The following PCDH7 variants were observed in gnomAD, a reference collection of about 807,000 sequenced individuals.
PCDH7 encodes the protein protocadherin 7, also known as protocadherin-7.
A neutral mutation model predicts 58.9 loss-of-function variants in PCDH7; 17 were observed. That is an observed-to-expected ratio of 0.29 (90% CI 0.20 to 0.43). PCDH7 has a LOEUF of 0.43. PCDH7 is among the 20% of genes least tolerant of loss of function. The pLI is 1.00. For missense variants in PCDH7, 1,274 were observed against 1,441.0 expected (o/e 0.88, Z 1.88); for synonymous variants, 664 against 616.4 (o/e 1.08, Z -1.14).
At chr4:31,040,120 G>T (rs535175165) in intron 3 of PCDH7, among the ~76,000 whole-genome samples, 2 of 152,240 alleles carry the variant, frequency 1.3e-5, no homozygotes, top group South Asian at 4.1e-4. Context: ...TCAGTTAAAT[G>T]CACAGTATGT....
intron 3 of PCDH7, among the ~76,000 whole-genome samples, chr4:30,995,593 G>T (rs1372666970): frequency 6.6e-6 from 1 of 151,992 alleles, no homozygotes; most frequent in African/African-American, 2.4e-5. Context: ...AAACTTAGTG[G>T]CTTAAAACAG....
chr4:30,787,605 T>G (rs1285552249), intron 1 of PCDH7, among the ~76,000 whole-genome samples: 3 of 152,054 alleles, frequency 2.0e-5, no homozygotes, highest in Admixed American at 6.6e-5. Context: ...AAACTGTCCT[T>G]TTAAATTTGT....
chr4:31,000,459 C>A (rs1481288314), intron 3 of PCDH7, among the ~76,000 whole-genome samples: 1 of 151,956 alleles, frequency 6.6e-6, no homozygotes, highest in Non-Finnish European at 1.5e-5. Flanking sequence ...CTATATTTCA[C>A]CAAAATAGGC....
At chr4:30,829,050 G>C (rs7678055) in intron 1 of PCDH7, among the ~76,000 whole-genome samples, 89,357 of 151,734 alleles carry the variant, frequency 0.59, 27,980 homozygotes, top group African/African-American at 0.82. Flanking sequence ...TCAGATCTAA[G>C]CCATATACAT....
At chr4:31,091,858 A>C (rs548636938) in intron 3 of PCDH7, among the ~76,000 whole-genome samples, 2 of 152,134 alleles carry the variant, frequency 1.3e-5, no homozygotes, top group South Asian at 4.1e-4. Flanking sequence ...TATATAATTA[A>C]AGAGTAGAGC....
At position 30,723,206 on chromosome 4, in the gene PCDH7, C is replaced by A. The variant is rs375228422; in HGVS notation, c.1784C>A (p.Thr595Asn). 33 of 1,613,982 alleles carry A rather than the reference C, an allele frequency of 2.0e-5. No individual in the cohort carries two copies. The highest frequency in any genetic ancestry group is 2.7e-5 in the Non-Finnish European group (32 of 1,180,036). Residue 595 changes from threonine to asparagine, a missense_variant, in exon 1 of 2, where the codon ACC becomes AAC. Thr to Asn is a moderately conservative substitution (Grantham distance 65, BLOSUM62 0). Transcript: ENST00000361762. The surrounding 1 kb of genome is among the most constrained non-coding windows in gnomAD (Gnocchi z 4.6). ...GATTCTGGGGACATCCTGGTCAATA[C>A]CGTGCTGGACCGCGAGCAGACTGAC...
chr4:31,143,305 G>A (rs1720467343), downstream of PCDH7: 1 of 154,740 alleles, frequency 6.5e-6, no homozygotes, highest in South Asian at 2.0e-4. Flanking sequence ...CAGATAAAAT[G>A]TATTTCAGAC....
chr4:30,764,560 T>C (rs766550877), intron 1 of PCDH7, among the ~76,000 whole-genome samples: 5 of 152,196 alleles, frequency 3.3e-5, no homozygotes, highest in Non-Finnish European at 5.9e-5. Flanking sequence ...AATCTTTATA[T>C]GACATTGAAA....
chr4:31,036,999 C>A (rs1490688093), intron 3 of PCDH7, among the ~76,000 whole-genome samples: 1 of 152,000 alleles, frequency 6.6e-6, no homozygotes, highest in East Asian at 1.9e-4. Context: ...ATCCACCCCC[C>A]TGATTCAATT....
intron 1 of PCDH7, among the ~76,000 whole-genome samples, chr4:30,875,391 A>G (rs1482270627): frequency 6.6e-6 from 1 of 152,024 alleles, no homozygotes. Flanking sequence ...ATTCTGAGGT[A>G]GTAGGGGTTA....
chr4:30,956,898 T>C (rs570713233), intron 3 of PCDH7, among the ~76,000 whole-genome samples: 2 of 152,180 alleles, frequency 1.3e-5, no homozygotes, highest in African/African-American at 4.8e-5. Flanking sequence ...CAAAAAATTT[T>C]GTATAGAAGA....
chr4:30,854,757 T>A (rs1296593773), intron 1 of PCDH7, among the ~76,000 whole-genome samples: 1 of 152,070 alleles, frequency 6.6e-6, no homozygotes, highest in African/African-American at 2.4e-5. Flanking sequence ...TGTTGTTGGT[T>A]ACCATGGATA....
At chr4:31,006,849 G>A (rs572044614) in intron 3 of PCDH7, among the ~76,000 whole-genome samples, 2 of 150,656 alleles carry the variant, frequency 1.3e-5, no homozygotes, top group East Asian at 2.0e-4. Context: ...CTGAGATCAC[G>A]CTACTGCACT....
intron 3 of PCDH7, among the ~76,000 whole-genome samples, chr4:31,055,883 T>C (rs1757127056): frequency 6.6e-6 from 1 of 152,108 alleles, no homozygotes; most frequent in African/African-American, 2.4e-5. Flanking sequence ...CACCCAGCCA[T>C]ATAAAGGCTT....
At chr4:30,832,794 A>G (rs942832185) in intron 1 of PCDH7, among the ~76,000 whole-genome samples, 1 of 152,188 alleles carries the variant, frequency 6.6e-6, no homozygotes, top group Non-Finnish European at 1.5e-5. Flanking sequence ...TCCTCCAGGC[A>G]GTCCCTGTCT....
chr4:31,094,834 G>C (rs763792402), intron 3 of PCDH7, among the ~76,000 whole-genome samples: 16 of 149,996 alleles, frequency 1.1e-4, no homozygotes, highest in Non-Finnish European at 1.9e-4. Context: ...TTTATGATTC[G>C]TATTACCAAC....
intron 3 of PCDH7, among the ~76,000 whole-genome samples, chr4:31,101,943 T>C (rs1295795389): frequency 6.6e-6 from 1 of 152,162 alleles, no homozygotes; most frequent in Non-Finnish European, 1.5e-5. Flanking sequence ...CTTAACAAAC[T>C]CATCTTTTTA....
rs1335130769 is a variant in PCDH7, at chr4:30,979,522, CT to C, written c.*7+29311del. Among the ~76,000 whole-genome samples, 11 of 152,006 alleles carry C rather than the reference CT, an allele frequency of 7.2e-5. No individual in the cohort carries two copies. In the East Asian group the frequency reaches 2.1e-3, roughly 30 times the overall value. On this transcript the variant is annotated intron_variant, in intron 3 of 3. Coordinates refer to the PCDH7 transcript ENST00000509759. ...CAGCAGTAGACCAAAAGTGGTTTGA[CT>C]TTTGCAATATAATCTGATAATAGAG...
intron 3 of PCDH7, among the ~76,000 whole-genome samples, chr4:30,974,875 A>G (rs1479742753): frequency 1.3e-5 from 2 of 152,182 alleles, no homozygotes; most frequent in African/African-American, 2.4e-5. Context: ...GACAACTACA[A>G]AAGAGAAAGG....
Sources: gnomAD v4.1 joint callset for allele counts (sites outside exome capture counted in the v4.1 genomes callset) on GRCh38, gnomAD v4.1.1 for gene constraint, Gnocchi (gnomAD v3.1) non-coding constraint, MANE v1.5 for transcripts, NCBI Gene and HGNC (gene_info 2026-07-23, HGNC 2026-07-21) for gene names.